Variants in MYH15 observed in about 807,000 individuals in gnomAD.
MYH15 encodes myosin-15.
A neutral mutation model predicts 240.5 loss-of-function variants in MYH15; 227 were observed. The ratio of observed to expected loss-of-function variants is 0.94; its 90% CI spans 0.85 to 1.05. The LOEUF (loss-of-function observed/expected upper bound fraction) is 1.05, where lower values mean the gene tolerates loss of function less well. Among genes scored for constraint, MYH15 ranks in the 50% least tolerant of loss-of-function variants. The pLI is 0.00. For missense variants in MYH15, 2,217 were observed against 2,247.5 expected (o/e 0.99, Z 0.27); for synonymous variants, 785 against 796.7 (o/e 0.99, Z 0.25).
chr3:108,529,216 C>G, intron 1 of MYH15: 1 of 1,576,418 alleles, frequency 6.3e-7, no homozygotes. Context: ...TCAGGCTATT[C>G]AGCATTCTGT....
At chr3:108,515,977 G>A (rs2083569493) in intron 1 of MYH15, among the ~76,000 whole-genome samples, 1 of 152,150 alleles carries the variant, frequency 6.6e-6, no homozygotes, top group African/African-American at 2.4e-5. Context: ...GCTGACCACA[G>A]TAAATCTATC....
the MYH15 span, chr3:108,550,005 C>T: frequency 6.6e-6 from 1 of 151,926 alleles, no homozygotes; most frequent in Admixed American, 6.6e-5. Flanking sequence ...AAATGTTTTA[C>T]TCTGCATAAT....
intron 9 of MYH15, among the ~76,000 whole-genome samples, 174 bp downstream of exon 9, chr3:108,492,326 A>G (rs1212679115): frequency 6.6e-6 from 1 of 152,204 alleles, no homozygotes; most frequent in East Asian, 1.9e-4. Context: ...GTCTGTCCAT[A>G]TAAAATTATA....
intron 21 of MYH15, among the ~76,000 whole-genome samples, chr3:108,451,964 T>G (rs1301085364): frequency 7.0e-6 from 1 of 143,806 alleles, no homozygotes; most frequent in Non-Finnish European, 1.5e-5. Context: ...AGAGGGAATG[T>G]CCTTCATATA....
intron 21 of MYH15, among the ~76,000 whole-genome samples, chr3:108,449,260 A>G (rs537093057): frequency 6.6e-6 from 1 of 152,204 alleles, no homozygotes; most frequent in Non-Finnish European, 1.5e-5. Flanking sequence ...TAAAATTTAT[A>G]TGGAACCACA....
intron 25 of MYH15, among the ~76,000 whole-genome samples, chr3:108,435,268 T>C (rs990973172): frequency 1.2e-4 from 18 of 152,336 alleles, no homozygotes; most frequent in African/African-American, 4.3e-4. Context: ...GTCAATTTCC[T>C]AAGAATTATT....
intron 37 of MYH15, among the ~76,000 whole-genome samples, 186 bp downstream of exon 37, chr3:108,391,574 C>T (rs565409815): frequency 6.6e-6 from 1 of 152,246 alleles, no homozygotes; most frequent in East Asian, 1.9e-4. Context: ...GTCCTATGTG[C>T]TCACCCAAAG....
chr3:108,454,938 T>A (rs531249472), intron 20 of MYH15, among the ~76,000 whole-genome samples: 2 of 151,944 alleles, frequency 1.3e-5, no homozygotes, highest in African/African-American at 4.8e-5. Context: ...TAGTATACAG[T>A]AAAAATAACT....
At chr3:108,453,809 T>C (rs185455782) in intron 21 of MYH15, among the ~76,000 whole-genome samples, 197 bp downstream of exon 21, 1 of 152,350 alleles carries the variant, frequency 6.6e-6, no homozygotes, top group East Asian at 1.9e-4. Flanking sequence ...ATCTGAATTA[T>C]GCTTATATTT....
At chr3:108,543,835 A>G in the MYH15 span, 1 of 152,216 alleles carries the variant, frequency 6.6e-6, no homozygotes, top group African/African-American at 2.4e-5. Context: ...CTTCTTGTGG[A>G]AGTGAGGCAT....
intron 17 of MYH15, among the ~76,000 whole-genome samples, chr3:108,459,833 A>T (rs941170505): frequency 2.6e-5 from 4 of 152,186 alleles, no homozygotes; most frequent in African/African-American, 9.6e-5. Flanking sequence ...TTCTGGTTCA[A>T]GAGATTTTTA....
chr3:108,480,511 T>C (rs943900040), intron 11 of MYH15, among the ~76,000 whole-genome samples: 1 of 151,990 alleles, frequency 6.6e-6, no homozygotes, highest in Admixed American at 6.6e-5. Context: ...ATAATTAGAG[T>C]CATGCTTTAG....
At chr3:108,479,231 C>T (rs1451859912) in intron 11 of MYH15, among the ~76,000 whole-genome samples, 1 of 152,136 alleles carries the variant, frequency 6.6e-6, no homozygotes, top group Non-Finnish European at 1.5e-5. Flanking sequence ...ATGAAATTCC[C>T]ACCCATAAGC....
At chr3:108,462,469 T>C (rs1019106022) in intron 16 of MYH15, among the ~76,000 whole-genome samples, 1 of 152,000 alleles carries the variant, frequency 6.6e-6, no homozygotes, top group Admixed American at 6.6e-5. Flanking sequence ...TTAAGTAGGA[T>C]CCCTGATTTT....
In MYH15 at chr3:108,383,651, C is replaced by T; in HGVS notation, c.5710G>A (p.Val1904Met). 6.2e-7 allele frequency: 1 copy of T among 1,613,118 alleles called. No homozygotes were observed. The highest frequency in any genetic ancestry group is 1.7e-4 in the Middle Eastern group (1 of 6,054). ...ELNEVKERAE[V>M]AESQVNKLKI... ...AGTTTATTGACTTGAGATTCTGCCA[C>T]CTCTGCCCTTTCCTTCACTTCATTC... Residue 1904 changes from valine to methionine, a missense_variant, in exon 40 of 41, where the codon GTG becomes ATG. Physicochemically the swap from Val to Met is conservative, Grantham distance 21. Coordinates refer to ENST00000693548, the MANE Select transcript of MYH15 (RefSeq NM_014981.3).
At position 108,389,008 on chromosome 3, in the gene MYH15, G is replaced by A. The variant is rs372963200; in HGVS notation, c.5497C>T (p.Arg1833Cys). ...TCTTTGATGCATCGCTCAAGTCTGC[G>A]GGCTCCCCTCTGGGCCTCTGCACTG... ...RRSAEAQRGA[R>C]RLERCIKELT... is the part of the protein sequence containing the mutation. Residue 1833 changes from arginine to cysteine, a missense_variant, in exon 38 of 41, where the codon CGC (arginine) becomes TGC (cysteine). Arg to Cys is a radical substitution (Grantham distance 180). Coordinates refer to ENST00000693548, the MANE Select transcript of MYH15 (RefSeq NM_014981.3). 48 of 1,613,698 alleles carry A rather than the reference G, an allele frequency of 3.0e-5. No homozygotes were observed. The highest frequency in any genetic ancestry group is 1.7e-4 in the Middle Eastern group (1 of 6,058).
In MYH15 at chr3:108,383,749, A is replaced by T. The variant is rs1560301039; in HGVS notation, c.5632-20T>A. ...TGTTTCCTATAAAAATAAAAAAAAAAAAAAAGAAATCTCCATGCCTATATA... is the reference window on the plus strand; with the variant it reads ...TGTTTCCTATAAAAATAAAAAAAAATAAAAAGAAATCTCCATGCCTATATA... On this transcript the variant is annotated intron_variant, in intron 39 of 40. Coordinates refer to ENST00000693548, the MANE Select transcript of MYH15 (RefSeq NM_014981.3). 4.6e-6 allele frequency: 7 copies of T among 1,537,138 alleles called. No individual in the cohort carries two copies. Among genetic ancestry groups the T allele is most frequent in the Non-Finnish European group, 4.4e-6 (5 of 1,147,018 alleles).
rs370115446 is a variant in MYH15, at chr3:108,408,416, G to C, written c.4496-12C>G. ...ATTAGAAATCTCTTCTGGAGACAGA[G>C]GTAAGAAAAACAAAGTTAGTGAATG... On this transcript the variant is annotated splice_polypyrimidine_tract_variant and intron_variant, in intron 31 of 40. Transcript: ENST00000693548. 24 of 1,600,354 alleles carry C rather than the reference G, an allele frequency of 1.5e-5. 1 individual carries two copies. In the African/African-American group the frequency reaches 1.9e-4, roughly 13 times the overall value.
intron 25 of MYH15, among the ~76,000 whole-genome samples, chr3:108,435,026 T>C (rs2082819700): frequency 6.6e-6 from 1 of 152,240 alleles, no homozygotes; most frequent in African/African-American, 2.4e-5. Flanking sequence ...ACCGCCTGTG[T>C]ATGTTCTTTG....
Sources: allele counts gnomAD v4.1 joint callset (sites outside exome capture counted in the v4.1 genomes callset), GRCh38; gene constraint gnomAD v4.1.1; transcripts MANE v1.5; gene names NCBI Gene and HGNC (gene_info 2026-07-23, HGNC 2026-07-21).